Variants in DIP2B observed in about 807,000 individuals in gnomAD.
DIP2B encodes the protein DIP2 acetate--CoA ligase B (putative).
A neutral mutation model predicts 198.0 loss-of-function variants in DIP2B; 76 were observed. The ratio of observed to expected loss-of-function variants is 0.38; its 90% confidence interval spans 0.32 to 0.46. The LOEUF (loss-of-function observed/expected upper bound fraction) is 0.46. Ranked by LOEUF, DIP2B falls within the 20% of genes least tolerant of loss-of-function variation. The probability of loss-of-function intolerance (pLI) is 0.99; values close to 1 mark genes in which losing one functional copy is unlikely to be tolerated. For missense variants in DIP2B, 1,559 were observed against 1,978.4 expected (o/e 0.79, Z 4.02); for synonymous variants, 701 against 739.1 (o/e 0.95, Z 0.84).
intron 1 of DIP2B, among the ~76,000 whole-genome samples, chr12:50,537,941 T>C (rs1958285110): frequency 1.3e-5 from 2 of 152,240 alleles, no homozygotes; most frequent in South Asian, 4.1e-4. Context: ...AAAACGGGAA[T>C]GAGGACATAG....
intron 1 of DIP2B, among the ~76,000 whole-genome samples, chr12:50,555,823 T>C (rs1246364796): frequency 6.6e-6 from 1 of 151,976 alleles, no homozygotes; most frequent in East Asian, 1.9e-4. Context: ...CTTCTTTCCT[T>C]TTGCTTCTTG....
intron 3 of DIP2B, among the ~76,000 whole-genome samples, chr12:50,654,624 T>G (rs1335489416): frequency 6.6e-6 from 1 of 152,114 alleles, no homozygotes; most frequent in Non-Finnish European, 1.5e-5. Context: ...AATGCTTGGA[T>G]TACAGGTATG....
At chr12:50,573,597 G>A (rs996153000) in intron 1 of DIP2B, among the ~76,000 whole-genome samples, 1 of 152,310 alleles carries the variant, frequency 6.6e-6, no homozygotes, top group Non-Finnish European at 1.5e-5. Context: ...GCCCATTGTA[G>A]CACTAATCAC....
intron 14 of DIP2B, among the ~76,000 whole-genome samples, chr12:50,693,880 G>C (rs1415014001): frequency 6.6e-6 from 1 of 152,210 alleles, no homozygotes; most frequent in African/African-American, 2.4e-5. Flanking sequence ...GCAAGTTAGA[G>C]AGTGAGCAAA....
chr12:50,561,194 G>A (rs193205230), intron 1 of DIP2B, among the ~76,000 whole-genome samples: 12 of 152,258 alleles, frequency 7.9e-5, no homozygotes, highest in Admixed American at 6.5e-4. Context: ...GAATATTTAA[G>A]TTTTATTTCT....
chr12:50,717,872 G>A (rs1461830281), intron 23 of DIP2B, among the ~76,000 whole-genome samples: 2 of 147,828 alleles, frequency 1.4e-5, no homozygotes, highest in African/African-American at 5.0e-5. Context: ...ACAGGCATGA[G>A]CCACCGTTCC....
intron 1 of DIP2B, among the ~76,000 whole-genome samples, chr12:50,541,204 G>A (rs1406593009): frequency 1.3e-5 from 2 of 152,070 alleles, no homozygotes; most frequent in East Asian, 3.8e-4. Context: ...CATTGACAAG[G>A]CCATATGTAT....
At chr12:50,556,588 C>G (rs1036162628) in intron 1 of DIP2B, among the ~76,000 whole-genome samples, 1 of 151,548 alleles carries the variant, frequency 6.6e-6, no homozygotes, top group South Asian at 2.1e-4. Context: ...GAGTCTCGCC[C>G]TGTCGCCCAG....
chr12:50,691,225 T>C (rs911837829), intron 13 of DIP2B, 74 bp downstream of exon 13: 18 of 1,303,480 alleles, frequency 1.4e-5, no homozygotes, highest in Admixed American at 5.7e-5. Context: ...TGCTCAGTGA[T>C]TGGACCTCAT....
chr12:50,688,016 G>T (rs1939160757), intron 12 of DIP2B, among the ~76,000 whole-genome samples: 1 of 151,948 alleles, frequency 6.6e-6, no homozygotes, highest in Non-Finnish European at 1.5e-5. Flanking sequence ...TTCGAGACCA[G>T]ACTGGCCAAC....
chr12:50,714,620 T>G (rs1414952674), intron 23 of DIP2B, 24 bp downstream of exon 23: 1 of 1,613,068 alleles, frequency 6.2e-7, no homozygotes, highest in African/African-American at 1.3e-5. Context: ...TTCCAAGACC[T>G]GGCACTAAAA....
At chr12:50,730,025 ATTCC>A (rs1940010664) in intron 30 of DIP2B, among the ~76,000 whole-genome samples, 1 of 152,002 alleles carries the variant, frequency 6.6e-6, no homozygotes, top group Non-Finnish European at 1.5e-5. Flanking sequence ...ACCCAGTCCC[ATTCC>A]TTCCTTTTTA....
chr12:50,684,678 G>A (rs561497118), intron 10 of DIP2B, among the ~76,000 whole-genome samples: 49 of 152,106 alleles, frequency 3.2e-4, no homozygotes, highest in Non-Finnish European at 6.3e-4. Flanking sequence ...TGTGATCCCA[G>A]CTACTCAGGA....
At chr12:50,666,086 G>C (rs1938747325) in intron 4 of DIP2B, among the ~76,000 whole-genome samples, 1 of 152,110 alleles carries the variant, frequency 6.6e-6, no homozygotes, top group East Asian at 1.9e-4. Context: ...GATTGGTGTG[G>C]GGTAGGACCA....
intron 1 of DIP2B, among the ~76,000 whole-genome samples, chr12:50,531,764 C>G (rs1958219231): frequency 6.6e-6 from 1 of 152,202 alleles, no homozygotes; most frequent in South Asian, 2.1e-4. Context: ...GATATATACA[C>G]ATTCATCTGT....
intron 1 of DIP2B, among the ~76,000 whole-genome samples, chr12:50,553,274 T>A (rs992115616): frequency 6.6e-6 from 1 of 152,238 alleles, no homozygotes; most frequent in African/African-American, 2.4e-5. Context: ...TCATGTAAGC[T>A]GTTATTAAAA....
intron 1 of DIP2B, among the ~76,000 whole-genome samples, chr12:50,615,260 C>G (rs937899779): frequency 4.7e-4 from 71 of 152,094 alleles, no homozygotes; most frequent in African/African-American, 1.7e-3. Flanking sequence ...CCCTCCCCCG[C>G]CATTTCTTTT....
intron 32 of DIP2B, among the ~76,000 whole-genome samples, 157 bp from the exon 33 acceptor site, chr12:50,733,978 C>T (rs1242449667): frequency 1.3e-5 from 2 of 152,134 alleles, no homozygotes; most frequent in African/African-American, 2.4e-5. Context: ...CCACAGTCCC[C>T]GTGATAAGAG....
chr12:50,553,124 C>G (rs1159684254), intron 1 of DIP2B, among the ~76,000 whole-genome samples: 1 of 152,226 alleles, frequency 6.6e-6, no homozygotes, highest in Non-Finnish European at 1.5e-5. Flanking sequence ...GTGTGAGCCA[C>G]TGCACCCGGC....
Sources: allele counts gnomAD v4.1 joint callset (sites outside exome capture counted in the v4.1 genomes callset), GRCh38; gene constraint gnomAD v4.1.1; transcripts MANE v1.5; gene names NCBI Gene and HGNC (gene_info 2026-07-23, HGNC 2026-07-21).